UBE2D3: variants seen among roughly 807,000 people sequenced by gnomAD.
UBE2D3 encodes the protein ubiquitin conjugating enzyme E2 D3.
In UBE2D3, 2 loss-of-function variants were observed where a neutral mutation model predicts 22.8. The ratio of observed to expected loss-of-function variants is 0.09; its 90% CI spans 0.04 to 0.28. The LOEUF (loss-of-function observed/expected upper bound fraction) is 0.28. UBE2D3 is among the 10% of genes least tolerant of loss of function. The pLI, the probability that UBE2D3 is intolerant of heterozygous loss-of-function variation, is 1.00. For missense variants in UBE2D3, 27 were observed against 182.5 expected (o/e 0.15, Z 4.91); for synonymous variants, 56 against 60.4 (o/e 0.93, Z 0.34).
intron 1 of UBE2D3, among the ~76,000 whole-genome samples, chr4:102,868,277 C>A (rs1319017461): frequency 6.6e-6 from 1 of 151,434 alleles, no homozygotes; most frequent in East Asian, 1.9e-4. Context: ...ACCATCTTGA[C>A]CTGGCTGGCC....
chr4:102,828,226 A>G (rs1730884647), upstream of UBE2D3: 11 of 985,466 alleles, frequency 1.1e-5, no homozygotes, highest in Non-Finnish European at 1.3e-5. Flanking sequence ...CACGCGCCCA[A>G]TCAGGAGCGT....
chr4:102,827,116 C>CTATT (rs1730667110), intron 1 of UBE2D3: 1 of 986,512 alleles, frequency 1.0e-6, no homozygotes, highest in Non-Finnish European at 1.2e-6. Context: ...TCGCAGCGAG[C>CTATT]TATTCTGTGT....
rs187439299 is a variant in UBE2D3 at position 102,806,256 on chromosome 4, A to G, written c.120+3416T>C. On this transcript the variant is annotated intron_variant, in intron 4 of 7. Coordinates refer to ENST00000453744, the MANE Select transcript of UBE2D3 (RefSeq NM_181891.3). Reference sequence around the variant, plus strand: ...GCACATAAAATATTATATGGATAACATATCTTTTTCTCTTCCCTACTTGGA... The same window carrying G: ...GCACATAAAATATTATATGGATAACGTATCTTTTTCTCTTCCCTACTTGGA... Among the ~76,000 whole-genome samples, 114 of 152,234 alleles carry G rather than the reference A, an allele frequency of 7.5e-4. No individual in the cohort carries two copies. The East Asian group carries it at 0.011, about 15-fold the overall frequency.
upstream of UBE2D3, among the ~76,000 whole-genome samples, chr4:102,831,017 T>G (rs1731088123): frequency 6.6e-6 from 1 of 152,226 alleles, no homozygotes; most frequent in Non-Finnish European, 1.5e-5. Flanking sequence ...ATAAACATAA[T>G]TAACAGATTT....
intron 2 of UBE2D3, among the ~76,000 whole-genome samples, chr4:102,819,283 T>G (rs1260533466): frequency 6.6e-6 from 1 of 151,434 alleles, no homozygotes; most frequent in Non-Finnish European, 1.5e-5. Context: ...TAAGCCGCAG[T>G]TGCGCCACTG....
intron 2 of UBE2D3, among the ~76,000 whole-genome samples, chr4:102,820,149 G>A (rs939857742): frequency 3.3e-5 from 5 of 152,274 alleles, no homozygotes; most frequent in Non-Finnish European, 5.9e-5. Context: ...AATAGAGGTC[G>A]AAGTGCAGTG....
intron 6 of UBE2D3, among the ~76,000 whole-genome samples, chr4:102,801,217 G>A (rs1726104777): frequency 6.6e-6 from 1 of 151,980 alleles, no homozygotes; most frequent in Non-Finnish European, 1.5e-5. Flanking sequence ...ATTATAAGAT[G>A]AGATGAAGGT....
chr4:102,868,491 G>A (rs568927351), intron 1 of UBE2D3, among the ~76,000 whole-genome samples: 25 of 152,310 alleles, frequency 1.6e-4, no homozygotes, highest in African/African-American at 4.8e-4. Context: ...CTGCAGTTAA[G>A]TTGCCAAGGG....
intron 1 of UBE2D3, among the ~76,000 whole-genome samples, chr4:102,836,004 T>C (rs1731373977): frequency 1.3e-5 from 2 of 152,184 alleles, no homozygotes; most frequent in African/African-American, 2.4e-5. Flanking sequence ...TTTTTTCACT[T>C]AGCATAATTA....
rs1244795176 is a variant in UBE2D3, at chr4:102,801,380, TACTC to T, written c.304+70_304+73del. ...TACCAAAAAGCTGCCATAATAAAAA[TACTC>T]AGATAAGTAGATCTAAGAATGAAGC... On this transcript the variant is annotated intron_variant, in intron 6 of 7. Coordinates refer to ENST00000453744, the MANE Select transcript of UBE2D3 (RefSeq NM_181891.3). 7 of 1,288,854 alleles carry T rather than the reference TACTC, an allele frequency of 5.4e-6. No individual in the cohort carries two copies. In the African/African-American group the frequency reaches 6.1e-5, roughly 11 times the overall value. 79.8% of individuals were successfully genotyped at this position (1,288,854 alleles called of 1,614,324 possible).
intron 1 of UBE2D3, among the ~76,000 whole-genome samples, chr4:102,851,732 TCTCAGCTCACTGCAAC>T: frequency 6.6e-6 from 1 of 151,622 alleles, no homozygotes; most frequent in East Asian, 1.9e-4. Flanking sequence ...AATGGTGTGA[TCTCAGCTCACTGCAAC>T]CTCTGCTGCC....
intron 2 of UBE2D3, among the ~76,000 whole-genome samples, chr4:102,817,938 A>G (rs755697102): frequency 2.6e-5 from 4 of 152,204 alleles, no homozygotes; most frequent in Non-Finnish European, 4.4e-5. Flanking sequence ...GGCTTCAGGG[A>G]CAAAAACACT....
At chr4:102,861,894 T>C (rs1385348473) in intron 1 of UBE2D3, among the ~76,000 whole-genome samples, 1 of 151,946 alleles carries the variant, frequency 6.6e-6, no homozygotes, top group African/African-American at 2.4e-5. Flanking sequence ...CTCACTCTAT[T>C]CTATCATGTG....
chr4:102,824,278 T>C (rs562357376), intron 2 of UBE2D3, among the ~76,000 whole-genome samples: 17 of 152,274 alleles, frequency 1.1e-4, no homozygotes, highest in African/African-American at 3.8e-4. Flanking sequence ...AAACTAGAAA[T>C]CAAAGTTCTT....
At chr4:102,819,479 C>G in intron 2 of UBE2D3, 1 of 803,472 alleles carries the variant, frequency 1.2e-6, no homozygotes, top group South Asian at 5.7e-5. Flanking sequence ...TCTGAACATT[C>G]GGTTAACTTT....
rs936041862 is a variant in UBE2D3 at position 102,795,627 on chromosome 4, T to G, written c.*1788A>C. On this transcript the variant is annotated 3_prime_UTR_variant, in exon 8 of 8. Coordinates refer to ENST00000453744, the MANE Select transcript of UBE2D3 (RefSeq NM_181891.3). ...AAAGCCAGAACATCTTCAGAAGGCA[T>G]GCATTTCACTTCCAGTTTAGAGAAG... The G allele has an allele frequency of 2.6e-5, 4 of 152,106 alleles. No homozygotes were observed. The highest frequency in any genetic ancestry group is 9.6e-5 in the African/African-American group (4 of 41,462). The allele number at this position is 152,106 out of a possible 1,614,324, so 9.4% of individuals were successfully genotyped here.
At chr4:102,844,393 C>T (rs1731930148) in intron 1 of UBE2D3, among the ~76,000 whole-genome samples, 2 of 152,170 alleles carry the variant, frequency 1.3e-5, no homozygotes, top group African/African-American at 2.4e-5. Flanking sequence ...CTGCAATTTC[C>T]TCAGGGATAT....
intron 4 of UBE2D3, among the ~76,000 whole-genome samples, chr4:102,804,223 G>A (rs1242979017): frequency 6.6e-6 from 1 of 151,952 alleles, no homozygotes; most frequent in Non-Finnish European, 1.5e-5. Flanking sequence ...GTAAAATGGT[G>A]CAACCTCAGC....
At chr4:102,852,068 T>G (rs561179854) in intron 1 of UBE2D3, among the ~76,000 whole-genome samples, 1 of 152,238 alleles carries the variant, frequency 6.6e-6, no homozygotes. Flanking sequence ...GGCCCATGGG[T>G]CGTAAGTGGA....
Sources: allele counts gnomAD v4.1 joint callset (sites outside exome capture counted in the v4.1 genomes callset), GRCh38; gene constraint gnomAD v4.1.1; transcripts MANE v1.5; gene names NCBI Gene and HGNC (gene_info 2026-07-23, HGNC 2026-07-21).